The following FRMPD4 variants were observed in gnomAD, a reference collection of about 807,000 sequenced individuals.
FRMPD4 encodes FERM and PDZ domain containing 4.
In FRMPD4, 22 loss-of-function variants were observed where a neutral mutation model predicts 94.1. That is an observed-to-expected ratio of 0.23 (90% CI 0.17 to 0.33). The LOEUF (loss-of-function observed/expected upper bound fraction) is 0.33, where lower values mean the gene tolerates loss of function less well. FRMPD4 is among the 10% of genes least tolerant of loss of function. The pLI is 1.00. For synonymous variants in FRMPD4, 631 were observed against 548.6 expected, an observed-to-expected ratio of 1.15 and a Z score of -2.10; for missense variants, 1,111 against 1,339.9, an observed-to-expected ratio of 0.83 and a Z score of 2.67.
intron 1 of FRMPD4, among the ~76,000 whole-genome samples, chrX:11,830,602 A>G (rs2053469636): frequency 8.9e-6 from 1 of 112,288 alleles, no homozygotes; most frequent in Non-Finnish European, 1.9e-5. Flanking sequence ...GCTCCACAAC[A>G]TAAGTATTTA....
chrX:12,143,962 T>C (rs1197608049), intron 1 of FRMPD4, among the ~76,000 whole-genome samples: 1 of 111,953 alleles, frequency 8.9e-6, no homozygotes, highest in African/African-American at 3.2e-5. Context: ...GGAGAGTTGC[T>C]TGTTAAGGTG....
chrX:12,286,045 C>T (rs1167106047), intron 1 of FRMPD4, among the ~76,000 whole-genome samples: 1 of 112,095 alleles, frequency 8.9e-6, no homozygotes, highest in Non-Finnish European at 1.9e-5. Context: ...GCAACAATAA[C>T]CCCACTTCTT....
intron 3 of FRMPD4, among the ~76,000 whole-genome samples, chrX:11,944,492 T>A (rs963297681): frequency 2.7e-5 from 3 of 112,044 alleles, no homozygotes; most frequent in Non-Finnish European, 5.6e-5. Flanking sequence ...ATAGGTAGGA[T>A]CTTAGCATTT....
At chrX:12,059,497 A>G (rs1373576824) in intron 3 of FRMPD4, among the ~76,000 whole-genome samples, 1 of 110,762 alleles carries the variant, frequency 9.0e-6, no homozygotes, top group Admixed American at 9.7e-5. Flanking sequence ...TTCAGGTGGT[A>G]CATGTGTAGG....
At chrX:12,049,519 T>C (rs1460860433) in intron 3 of FRMPD4, among the ~76,000 whole-genome samples, 1 of 111,673 alleles carries the variant, frequency 9.0e-6, no homozygotes, top group Admixed American at 9.5e-5. Flanking sequence ...TCACACATAC[T>C]GATGTTGAAG....
At chrX:12,352,789 T>G (rs949786166) in intron 1 of FRMPD4, among the ~76,000 whole-genome samples, 35 of 112,254 alleles carry the variant, frequency 3.1e-4, no homozygotes, top group African/African-American at 1.1e-3. Flanking sequence ...TGCTGGAAAA[T>G]GACAACATAA....
At chrX:12,457,124 A>C (rs2057341854) in intron 1 of FRMPD4, among the ~76,000 whole-genome samples, 1 of 112,433 alleles carries the variant, frequency 8.9e-6, no homozygotes, top group Non-Finnish European at 1.9e-5. Context: ...GTTTGCAATC[A>C]CAGCTGAGTT....
At chrX:12,177,587 G>A (rs1783865896) in intron 1 of FRMPD4, among the ~76,000 whole-genome samples, 1 of 112,300 alleles carries the variant, frequency 8.9e-6, no homozygotes, top group Non-Finnish European at 1.9e-5. Context: ...TGTTGTTGGT[G>A]TAATGAACGT....
At chrX:12,332,150 T>A (rs1267837364) in intron 1 of FRMPD4, among the ~76,000 whole-genome samples, 1 of 70,725 alleles carries the variant, frequency 1.4e-5, no homozygotes, top group Non-Finnish European at 2.8e-5. Flanking sequence ...AATTTATATT[T>A]TATATATAAT....
At chrX:12,226,954 C>T (rs2056929356) in intron 1 of FRMPD4, among the ~76,000 whole-genome samples, 1 of 111,109 alleles carries the variant, frequency 9.0e-6, no homozygotes, top group Non-Finnish European at 1.9e-5. Flanking sequence ...GTCAGGGCCT[C>T]TGCTCAGAGG....
At chrX:12,537,453 TCC>T (rs1569321893) in intron 2 of FRMPD4, among the ~76,000 whole-genome samples, 6 of 100,801 alleles carry the variant, frequency 6.0e-5, no homozygotes, top group Non-Finnish European at 6.0e-5. Flanking sequence ...ATTTTTTTTT[TCC>T]TTTTTTTTTT....
At chrX:12,477,957 T>C (rs988090408) in intron 1 of FRMPD4, among the ~76,000 whole-genome samples, 3 of 111,868 alleles carry the variant, frequency 2.7e-5, no homozygotes, top group African/African-American at 6.5e-5. Context: ...TTTAGGGTTC[T>C]TGCCCTAGGG....
intron 4 of FRMPD4, among the ~76,000 whole-genome samples, chrX:12,654,838 T>A (rs1241624309): frequency 8.9e-6 from 1 of 112,345 alleles, no homozygotes; most frequent in East Asian, 2.8e-4. Flanking sequence ...CATTTCTGAA[T>A]TCTACAGAAC....
chrX:12,309,509 T>G (rs763549892), intron 1 of FRMPD4, among the ~76,000 whole-genome samples: 4 of 112,282 alleles, frequency 3.6e-5, no homozygotes, highest in Non-Finnish European at 7.5e-5. Flanking sequence ...AAAAATAAGC[T>G]GATTTGATCA....
intron 1 of FRMPD4, among the ~76,000 whole-genome samples, chrX:12,270,611 G>A (rs1428884598): frequency 9.0e-6 from 1 of 111,510 alleles, no homozygotes; most frequent in Non-Finnish European, 1.9e-5. Context: ...ATATATGTGT[G>A]TATCTACATA....
intron 1 of FRMPD4, among the ~76,000 whole-genome samples, chrX:12,238,376 C>T (rs1249111203): frequency 9.0e-6 from 1 of 111,365 alleles, no homozygotes; most frequent in African/African-American, 3.3e-5. Flanking sequence ...CACACCACCC[C>T]TCTCCGCCCC....
chrX:12,377,452 G>A (rs2056255094), intron 1 of FRMPD4, among the ~76,000 whole-genome samples: 1 of 112,197 alleles, frequency 8.9e-6, no homozygotes, highest in African/African-American at 3.2e-5. Context: ...ATGGAACAAA[G>A]ATGAATCAAA....
intron 5 of FRMPD4, among the ~76,000 whole-genome samples, chrX:12,682,813 A>C (rs572042107): frequency 8.9e-6 from 1 of 112,104 alleles, no homozygotes; most frequent in Admixed American, 9.5e-5. Context: ...ATCATAAAGC[A>C]CAAAGAGCCC....
intron 3 of FRMPD4, among the ~76,000 whole-genome samples, chrX:11,931,567 G>A (rs919633567): frequency 1.2e-4 from 13 of 112,184 alleles, no homozygotes; most frequent in Non-Finnish European, 2.1e-4. Flanking sequence ...TAATGTGAGA[G>A]TTCCAAGAGA....
Sources: gnomAD v4.1 joint callset for allele counts (sites outside exome capture counted in the v4.1 genomes callset) on GRCh38, gnomAD v4.1.1 for gene constraint, MANE v1.5 for transcripts, NCBI Gene and HGNC (gene_info 2026-07-23, HGNC 2026-07-21) for gene names.